Variants in MGAT4C observed in about 807,000 individuals in gnomAD.
MGAT4C encodes alpha-1,3-mannosyl-glycoprotein 4-beta-N-acetylglucosaminyltransferase C.
A neutral mutation model predicts 40.1 loss-of-function variants in MGAT4C; 19 were observed. The ratio of observed to expected loss-of-function variants is 0.47; its 90% confidence interval spans 0.33 to 0.70. The LOEUF (loss-of-function observed/expected upper bound fraction) is 0.70, where lower values mean the gene tolerates loss of function less well. Ranked by LOEUF, MGAT4C falls within the 30% of genes least tolerant of loss-of-function variation. MGAT4C has a pLI of 0.02. For synonymous variants in MGAT4C, 181 were observed against 187.1 expected (o/e 0.97, Z 0.27); for missense variants, 491 against 563.2 (o/e 0.87, Z 1.30).
At chr12:86,340,626 T>G (rs1482774222) in intron 3 of MGAT4C, among the ~76,000 whole-genome samples, 1 of 152,088 alleles carries the variant, frequency 6.6e-6, no homozygotes, top group Admixed American at 6.6e-5. Context: ...TTGGTTAAAC[T>G]GGCAAGCAGA....
intron 1 of MGAT4C, among the ~76,000 whole-genome samples, chr12:86,756,889 T>C (rs949475659): frequency 1.3e-5 from 2 of 152,080 alleles, no homozygotes; most frequent in Non-Finnish European, 2.9e-5. Flanking sequence ...AGGTTTCCAA[T>C]GGGAAAAAAC....
Position 86,444,821 on chromosome 12 carries a change from A to G in MGAT4C, c.-228-9556T>C, listed in dbSNP as rs537627190. Among the ~76,000 whole-genome samples the G allele has an allele frequency of 6.6e-5, 10 of 152,342 alleles. No homozygotes were observed. The South Asian group carries it at 2.1e-3, about 32-fold the overall frequency. ...CTCCAGAACATTTTCATCTTTCAGA[A>G]CTGAAACTCTATACCTCTTAAACAA... On this transcript the variant is annotated intron_variant, in intron 2 of 7. Coordinates refer to the MGAT4C transcript ENST00000548651.
In MGAT4C at chr12:86,350,226, G is replaced by A. The variant is rs11103936; in HGVS notation, c.-119-16099C>T. ...CTCAAGCTCTATACCATTGCTGAAA[G>A]CTCTGCAGCCCTTATCTGGTCACCC... is the stretch of plus-strand genomic sequence containing the variant. On this transcript the variant is annotated intron_variant, in intron 3 of 7. Coordinates refer to the MGAT4C transcript ENST00000548651. Among the ~76,000 whole-genome samples, 1,453 of 152,208 alleles carry A rather than the reference G, an allele frequency of 9.5e-3. 93 individuals are homozygous for A. In the East Asian group the frequency reaches 0.19, roughly 20 times the overall value.
At chr12:86,656,439 G>A (rs755756989) in intron 2 of MGAT4C, among the ~76,000 whole-genome samples, 2 of 151,952 alleles carry the variant, frequency 1.3e-5, no homozygotes, top group African/African-American at 4.8e-5. Flanking sequence ...GACATGGTAG[G>A]CTAACAAGTA....
intron 2 of MGAT4C, among the ~76,000 whole-genome samples, chr12:86,556,508 G>A (rs908223503): frequency 6.6e-6 from 1 of 152,008 alleles, no homozygotes; most frequent in Admixed American, 6.6e-5. Context: ...AATGTTTAGG[G>A]TTTTTGTGTA....
intron 2 of MGAT4C, among the ~76,000 whole-genome samples, chr12:86,576,659 T>C (rs1037690048): frequency 6.6e-5 from 10 of 151,988 alleles, no homozygotes; most frequent in African/African-American, 2.4e-4. Flanking sequence ...TTGAGTTCTC[T>C]GTTCTGTTCC....
intron 2 of MGAT4C, among the ~76,000 whole-genome samples, chr12:86,639,954 C>T (rs1461304080): frequency 6.6e-6 from 1 of 151,546 alleles, no homozygotes; most frequent in African/African-American, 2.4e-5. Context: ...TATAAATTTC[C>T]TAAACTTCTA....
At chr12:86,719,597 G>A (rs1028177818) in intron 2 of MGAT4C, among the ~76,000 whole-genome samples, 1 of 152,064 alleles carries the variant, frequency 6.6e-6, no homozygotes, top group African/African-American at 2.4e-5. Context: ...TACCTCTTTG[G>A]TCTGCCTTCT....
chr12:86,219,044 G>A (rs1950777381), intron 1 of MGAT4C, among the ~76,000 whole-genome samples: 1 of 152,128 alleles, frequency 6.6e-6, no homozygotes, highest in Non-Finnish European at 1.5e-5. Flanking sequence ...GCTGGGCGTG[G>A]TGGCAGGCAC....
At chr12:86,209,138 T>A (rs953628543) in intron 1 of MGAT4C, among the ~76,000 whole-genome samples, 1 of 152,092 alleles carries the variant, frequency 6.6e-6, no homozygotes, top group Admixed American at 6.5e-5. Flanking sequence ...TGGATGATAT[T>A]CTTTGCATAT....
At chr12:86,142,152 T>C (rs931378133) in intron 1 of MGAT4C, among the ~76,000 whole-genome samples, 6 of 152,186 alleles carry the variant, frequency 3.9e-5, no homozygotes, top group Non-Finnish European at 7.3e-5. Context: ...AAACTGAGCA[T>C]TGAAATTCAG....
At chr12:86,288,787 GCTC>G (rs1433499939) in intron 4 of MGAT4C, among the ~76,000 whole-genome samples, 7 of 151,942 alleles carry the variant, frequency 4.6e-5, no homozygotes, top group African/African-American at 1.7e-4. Flanking sequence ...ATTTGTTTAA[GCTC>G]CTTAGAGATT....
intron 2 of MGAT4C, among the ~76,000 whole-genome samples, chr12:86,641,191 A>C (rs952996788): frequency 7.0e-6 from 1 of 142,686 alleles, no homozygotes; most frequent in East Asian, 2.1e-4. Context: ...ATGCAGCCAT[A>C]AAAAATGATG....
chr12:86,014,986 T>C (rs1440186459), intron 2 of MGAT4C, among the ~76,000 whole-genome samples: 3 of 149,476 alleles, frequency 2.0e-5, no homozygotes, highest in African/African-American at 4.9e-5. Context: ...TTCTTTTTTT[T>C]TTTTTTTGGA....
chr12:86,804,678 A>G (rs1459191535), intron 1 of MGAT4C, among the ~76,000 whole-genome samples: 2 of 152,004 alleles, frequency 1.3e-5, no homozygotes, highest in Non-Finnish European at 2.9e-5. Flanking sequence ...ATTTATTTAC[A>G]GTAATTTCTA....
intron 1 of MGAT4C, among the ~76,000 whole-genome samples, chr12:86,131,083 GA>G (rs947033269): frequency 6.6e-6 from 1 of 152,002 alleles, no homozygotes; most frequent in Non-Finnish European, 1.5e-5. Context: ...CCTTAACGTT[GA>G]AAAGCACAGC....
intron 2 of MGAT4C, among the ~76,000 whole-genome samples, chr12:86,609,962 A>T (rs988682419): frequency 6.6e-6 from 1 of 152,174 alleles, no homozygotes; most frequent in African/African-American, 2.4e-5. Flanking sequence ...ATAAGTCTTC[A>T]CAGTTGTCAA....
At chr12:86,444,096 A>C (rs907575930) in intron 2 of MGAT4C, among the ~76,000 whole-genome samples, 1 of 152,114 alleles carries the variant, frequency 6.6e-6, no homozygotes, top group African/African-American at 2.4e-5. Flanking sequence ...AAATATCTCA[A>C]AATATTTATT....
At chr12:86,619,673 T>C (rs1251617377) in intron 2 of MGAT4C, among the ~76,000 whole-genome samples, 1 of 152,170 alleles carries the variant, frequency 6.6e-6, no homozygotes, top group African/African-American at 2.4e-5. Flanking sequence ...TTGGCCTTTT[T>C]TTATACAGCT....
Sources: allele counts gnomAD v4.1 joint callset (sites outside exome capture counted in the v4.1 genomes callset), GRCh38; gene constraint gnomAD v4.1.1; transcripts MANE v1.5; gene names NCBI Gene and HGNC (gene_info 2026-07-23, HGNC 2026-07-21).